Variants in STIL observed in about 807,000 individuals in gnomAD.
STIL encodes the protein SCL-interrupting locus protein.
Under a neutral mutation model 110.1 loss-of-function variants are expected in STIL, and 55 were observed. That is an observed-to-expected ratio of 0.50 (90% CI 0.40 to 0.63). The LOEUF (loss-of-function observed/expected upper bound fraction) is 0.63. STIL is among the 20% of genes least tolerant of loss of function. The pLI, the probability that STIL is intolerant of heterozygous loss-of-function variation, is 0.00. For missense variants in STIL, 1,358 were observed against 1,530.0 expected (o/e 0.89, Z 1.87); for synonymous variants, 481 against 530.0 (o/e 0.91, Z 1.27).
At chr1:47,255,711 C>CA (rs1644310026) in intron 16 of STIL, among the ~76,000 whole-genome samples, 1 of 152,120 alleles carries the variant, frequency 6.6e-6, no homozygotes, top group African/African-American at 2.4e-5. Context: ...GTTTTGAATT[C>CA]AAAAAGTCAC....
At chr1:47,313,126 C>G (rs1646184041) in intron 1 of STIL, 1 of 152,168 alleles carries the variant, frequency 6.6e-6, no homozygotes, top group African/African-American at 2.4e-5. Flanking sequence ...GATTTCCAGA[C>G]CAGCCCGACC....
intron 6 of STIL, among the ~76,000 whole-genome samples, chr1:47,299,033 C>CTT (rs35412832): frequency 2.4e-3 from 345 of 142,182 alleles, no homozygotes; most frequent in East Asian, 9.4e-3. Flanking sequence ...TTTACCACCA[C>CTT]TTTTTTTTTT....
At chr1:47,278,262 C>T (rs1256988183) in intron 12 of STIL, among the ~76,000 whole-genome samples, 1 of 152,026 alleles carries the variant, frequency 6.6e-6, no homozygotes, top group East Asian at 1.9e-4. Flanking sequence ...AATTTGTTGT[C>T]TATCATTATG....
At chr1:47,289,382 A>G (rs1488597352) in intron 9 of STIL, 53 bp downstream of exon 9, 3 of 1,551,288 alleles carry the variant, frequency 1.9e-6, no homozygotes, top group East Asian at 2.3e-5. Context: ...TTAAACTGCC[A>G]AAGTGCAAAA....
intron 14 of STIL, among the ~76,000 whole-genome samples, chr1:47,268,645 C>A (rs1411889759): frequency 2.6e-4 from 39 of 151,884 alleles, no homozygotes; most frequent in Admixed American, 2.6e-3. Context: ...GTAATCCCAG[C>A]TACTCAGGAG....
intron 1 of STIL, chr1:47,313,133 G>C (rs1180153574): frequency 3.3e-5 from 5 of 152,152 alleles, no homozygotes; most frequent in African/African-American, 1.2e-4. Flanking sequence ...AGACCAGCCC[G>C]ACCAACATGG....
At position 47,280,735 on chromosome 1, in the gene STIL, C is replaced by G; in HGVS notation, c.1723G>C (p.Val575Leu). Residue 575 changes from valine (V) to leucine (L), a missense_variant, in exon 12 of 17, where the codon GTT becomes CTT. Transcript: ENST00000371877. The stretch of plus-strand genomic sequence containing the variant: ...CTTCCTGAATTATGGGGTGAAAAAA[C>G]AAAATCGTGTGGTTGGGACTGCGGG... ...LAPQSQPHDFVFSPHNSGRPM... is the reference protein window; with the variant it reads ...LAPQSQPHDFLFSPHNSGRPM... 1 of 1,614,020 alleles carries G rather than the reference C, an allele frequency of 6.2e-7. No homozygotes were observed. Among genetic ancestry groups the G allele is most frequent in the Non-Finnish European group, 8.5e-7 (1 of 1,179,926 alleles).
intron 16 of STIL, among the ~76,000 whole-genome samples, chr1:47,255,836 T>A (rs1454079689): frequency 1.3e-5 from 2 of 152,146 alleles, no homozygotes; most frequent in Admixed American, 1.3e-4. Flanking sequence ...GCCTTTAGAC[T>A]CTCTTAATCT....
chr1:47,284,882 C>G (rs1352524332), intron 10 of STIL, among the ~76,000 whole-genome samples: 2 of 148,556 alleles, frequency 1.3e-5, no homozygotes, highest in African/African-American at 2.6e-5. Flanking sequence ...AGAGTGAGAC[C>G]CTATCTCAAA....
chr1:47,271,808 CA>C (rs949875842), intron 13 of STIL, among the ~76,000 whole-genome samples: 15 of 124,298 alleles, frequency 1.2e-4, no homozygotes, highest in East Asian at 2.5e-4. Flanking sequence ...GACTCCATTT[CA>C]AAAAAAAAAA....
intron 9 of STIL, among the ~76,000 whole-genome samples, chr1:47,289,177 T>C (rs1645403374): frequency 6.6e-6 from 1 of 151,888 alleles, no homozygotes; most frequent in Admixed American, 6.6e-5. Context: ...TCTTCAAAGA[T>C]TTTAGAAAAA....
At chr1:47,297,831 A>C (rs963978613) in intron 6 of STIL, among the ~76,000 whole-genome samples, 1 of 152,174 alleles carries the variant, frequency 6.6e-6, no homozygotes, top group South Asian at 2.1e-4. Flanking sequence ...AATACTGAAC[A>C]TCCTGGTTAT....
chr1:47,254,180 CAAAAAAAAAAAAA>C (rs59259774), intron 16 of STIL, among the ~76,000 whole-genome samples: 9 of 61,428 alleles, frequency 1.5e-4, no homozygotes, highest in South Asian at 9.7e-4. Flanking sequence ...GACTCTGTCT[CAAAAAAAAAAAAA>C]AAAAAAAAAA....
chr1:47,265,217 C>T (rs556709131), intron 14 of STIL, among the ~76,000 whole-genome samples: 2 of 104,672 alleles, frequency 1.9e-5, no homozygotes, highest in Non-Finnish European at 3.5e-5. Context: ...GCCTGAGCAA[C>T]AGAGCAACAC....
At chr1:47,286,620 G>A (rs1158348242) in intron 10 of STIL, among the ~76,000 whole-genome samples, 21 of 151,704 alleles carry the variant, frequency 1.4e-4, no homozygotes, top group Admixed American at 5.9e-4. Flanking sequence ...GCGTGGACCC[G>A]GGAGGCGGAG....
chr1:47,258,399 G>C (rs774194828), intron 16 of STIL, among the ~76,000 whole-genome samples: 7 of 152,140 alleles, frequency 4.6e-5, no homozygotes, highest in Non-Finnish European at 1.0e-4. Context: ...AGGATTGCTT[G>C]AAATAACAAA....
intron 8 of STIL, 133 bp from the exon 9 acceptor site, chr1:47,289,718 C>A: frequency 1.2e-6 from 1 of 829,652 alleles, no homozygotes; most frequent in Non-Finnish European, 2.0e-6. Context: ...AACTGGGGTC[C>A]ACCACTTAGG....
intron 14 of STIL, among the ~76,000 whole-genome samples, chr1:47,266,093 T>A (rs1644646846): frequency 6.6e-6 from 1 of 152,138 alleles, no homozygotes; most frequent in African/African-American, 2.4e-5. Flanking sequence ...GAAATTACTA[T>A]GATCCTTACC....
chr1:47,269,967 T>C (rs552991603), intron 13 of STIL, 101 bp from the exon 14 acceptor site: 5 of 1,107,910 alleles, frequency 4.5e-6, no homozygotes, highest in African/African-American at 3.1e-5. Flanking sequence ...CTGGGTGCAA[T>C]GGCTCACGCC....
Sources: gnomAD v4.1 joint callset for allele counts (sites outside exome capture counted in the v4.1 genomes callset) on GRCh38, gnomAD v4.1.1 for gene constraint, MANE v1.5 for transcripts, NCBI Gene and HGNC (gene_info 2026-07-23, HGNC 2026-07-21) for gene names.